The following ABLIM1 variants were observed in gnomAD, a reference collection of about 807,000 sequenced individuals.
ABLIM1 encodes actin-binding LIM protein 1.
A neutral mutation model predicts 107.0 loss-of-function variants in ABLIM1; 40 were observed. The observed-to-expected ratio is 0.37, with a 90% CI of 0.29 to 0.49. The LOEUF is 0.49. ABLIM1 is among the 20% of genes least tolerant of loss of function. The pLI is 0.97. For synonymous variants in ABLIM1, 357 were observed against 357.3 expected, an observed-to-expected ratio of 1.00 and a Z score of 0.01; for missense variants, 857 against 1,008.5, an observed-to-expected ratio of 0.85 and a Z score of 2.04.
intron 6 of ABLIM1, among the ~76,000 whole-genome samples, chr10:114,520,960 A>C (rs1174462635): frequency 3.9e-5 from 6 of 152,316 alleles, no homozygotes; most frequent in Non-Finnish European, 7.3e-5. Flanking sequence ...TGGACAACAG[A>C]GTGAGACCCT....
chr10:114,506,476 C>T (rs2061159742), intron 6 of ABLIM1, among the ~76,000 whole-genome samples: 1 of 152,168 alleles, frequency 6.6e-6, no homozygotes, highest in African/African-American at 2.4e-5. Context: ...TATACTCCCA[C>T]CAGCAGTGTA....
intron 1 of ABLIM1, among the ~76,000 whole-genome samples, chr10:114,744,295 C>G (rs1206206092): frequency 6.6e-6 from 1 of 152,158 alleles, no homozygotes; most frequent in African/African-American, 2.4e-5. Context: ...CTCTTCTTCC[C>G]CTGATCAACC....
intron 17 of ABLIM1, 98 bp from the exon 18 acceptor site, chr10:114,441,884 A>G: frequency 1.8e-6 from 2 of 1,104,094 alleles, no homozygotes; most frequent in Non-Finnish European, 2.7e-6. Context: ...GGATAGAAAT[A>G]CCAAAAAAAT....
intron 2 of ABLIM1, among the ~76,000 whole-genome samples, chr10:114,590,099 C>A (rs2074691965): frequency 1.3e-5 from 2 of 152,114 alleles, no homozygotes; most frequent in South Asian, 4.1e-4. Context: ...GTTACAATTG[C>A]CTACAAAATT....
At chr10:114,667,338 T>C (rs1221445456) in intron 1 of ABLIM1, among the ~76,000 whole-genome samples, 3 of 152,214 alleles carry the variant, frequency 2.0e-5, no homozygotes, top group African/African-American at 7.2e-5. Context: ...TGATATTAAC[T>C]AGTAGCACTT....
chr10:114,697,337 C>T (rs2141800788), intron 1 of ABLIM1, among the ~76,000 whole-genome samples: 1 of 152,350 alleles, frequency 6.6e-6, no homozygotes, highest in East Asian at 1.9e-4. Context: ...AACTAAAGAA[C>T]TCAGATCTGG....
chr10:114,751,533 C>T (rs1348322062), intron 1 of ABLIM1, among the ~76,000 whole-genome samples: 2 of 151,708 alleles, frequency 1.3e-5, no homozygotes, highest in Non-Finnish European at 2.9e-5. Context: ...CGGCAGATCA[C>T]GATGCCAAGA....
the ABLIM1 span, among the ~76,000 whole-genome samples, chr10:114,777,534 T>A: frequency 1.3e-5 from 2 of 152,234 alleles, no homozygotes; most frequent in Non-Finnish European, 2.9e-5. Context: ...TGAGGGTAAC[T>A]GGCCATGTAT....
rs778359236 is a variant in ABLIM1, at chr10:114,437,903, T to A, written c.2164A>T (p.Met722Leu). 6.2e-7 allele frequency: 1 copy of A among 1,614,098 alleles called. No individual in the cohort carries two copies. Among genetic ancestry groups the A allele is most frequent in the Non-Finnish European group, 8.5e-7 (1 of 1,179,980 alleles). Residue 722 changes from methionine to leucine, a missense_variant, in exon 22 of 23, where the codon ATG becomes TTG. This residue lies in a region of ABLIM1 where 193 missense variants were observed against 208.5 expected (regional missense o/e 0.93). Coordinates refer to ENST00000533213, the MANE Select transcript of ABLIM1 (RefSeq NM_002313.7). ...TTGTTTCGCCCTCTGTTGGTCACCA[T>A]GAGCATTTCATATGGAAATATCTGA... ...EPKIFPYEML[M>L]VTNRGRNKIL...
chr10:114,661,037 AT>A (rs543251569), upstream of ABLIM1, among the ~76,000 whole-genome samples: 5,613 of 149,398 alleles, frequency 0.038, 303 homozygotes, highest in African/African-American at 0.12. Context: ...ACACTCCTAA[AT>A]TTTTTTTTTT....
At chr10:114,610,528 T>A (rs1405124648) in intron 1 of ABLIM1, 3 of 152,248 alleles carry the variant, frequency 2.0e-5, no homozygotes, top group Admixed American at 1.3e-4. Flanking sequence ...TCCCACCTCC[T>A]ACTCCCTTTC....
At chr10:114,440,043 T>A (rs762477002) in intron 20 of ABLIM1, 39 bp downstream of exon 20, 16 of 1,613,660 alleles carry the variant, frequency 9.9e-6, no homozygotes, top group Non-Finnish European at 1.4e-5. Flanking sequence ...GGCTGTTCTA[T>A]CGGTGTGGCC....
intron 6 of ABLIM1, among the ~76,000 whole-genome samples, chr10:114,498,210 G>C (rs964971190): frequency 6.6e-6 from 1 of 152,066 alleles, no homozygotes; most frequent in Non-Finnish European, 1.5e-5. Context: ...AAATGCAAAG[G>C]GCCGGGCTAG....
intron 4 of ABLIM1, among the ~76,000 whole-genome samples, chr10:114,566,361 A>T (rs948590536): frequency 6.6e-6 from 1 of 152,094 alleles, no homozygotes; most frequent in Non-Finnish European, 1.5e-5. Flanking sequence ...CCCTGTAGGA[A>T]ATGACAACCC....
intron 1 of ABLIM1, among the ~76,000 whole-genome samples, chr10:114,602,618 A>G (rs370991161): frequency 1.3e-5 from 2 of 152,342 alleles, no homozygotes; most frequent in East Asian, 3.9e-4. Flanking sequence ...TGATACACAC[A>G]CTGCAGGCAG....
intron 1 of ABLIM1, among the ~76,000 whole-genome samples, chr10:114,623,873 C>T (rs1472579808): frequency 6.6e-6 from 1 of 152,160 alleles, no homozygotes; most frequent in East Asian, 1.9e-4. Flanking sequence ...TGTTTGATTG[C>T]AACAGGGACA....
intron 4 of ABLIM1, among the ~76,000 whole-genome samples, chr10:114,563,631 T>G (rs1189638666): frequency 2.6e-5 from 4 of 151,640 alleles, no homozygotes; most frequent in Non-Finnish European, 5.9e-5. Flanking sequence ...GGTCAGGAAT[T>G]TCAGACTAGC....
intron 4 of ABLIM1, among the ~76,000 whole-genome samples, chr10:114,556,018 A>G (rs1591169703): frequency 1.3e-5 from 2 of 152,318 alleles, no homozygotes; most frequent in South Asian, 4.1e-4. Context: ...TATCCTTTTA[A>G]TAGACTGTTA....
In ABLIM1 at chr10:114,559,438, CAA is replaced by C. The variant is rs72456292; in HGVS notation, c.674-11664_674-11663del. Among the ~76,000 whole-genome samples the C allele has an allele frequency of 5.1e-4, 25 of 49,360 alleles. No individual in the cohort carries two copies. The South Asian group carries it at 7.8e-3, about 15-fold the overall frequency. 32.4% of individuals were successfully genotyped at this position (49,360 alleles called of 152,430 possible). On this transcript the variant is annotated intron_variant, in intron 4 of 22. Transcript: ENST00000533213. Reference sequence around the variant, plus strand: ...GACAACATAGCAAAAACTCGTCTCTCAAAAAAAAAAAAAAAAAAAAAAAAGAA... The same window carrying C: ...GACAACATAGCAAAAACTCGTCTCTCAAAAAAAAAAAAAAAAAAAAAAGAA...
Sources: allele counts gnomAD v4.1 joint callset (sites outside exome capture counted in the v4.1 genomes callset), GRCh38; gene constraint gnomAD v4.1.1; regional missense constraint gnomAD v4.1.1; transcripts MANE v1.5; gene names NCBI Gene and HGNC (gene_info 2026-07-23, HGNC 2026-07-21).